Variants in NPEPL1 observed in about 807,000 individuals in gnomAD.
NPEPL1 encodes the protein aminopeptidase like 1.
NPEPL1 carries 45 observed loss-of-function variants against 52.4 expected under a neutral mutation model. That is an observed-to-expected ratio of 0.86 (90% CI 0.68 to 1.10). The LOEUF is 1.10. Ranked by LOEUF, NPEPL1 falls within the 50% of genes least tolerant of loss-of-function variation. NPEPL1 has a pLI of 0.00. For synonymous variants in NPEPL1, 360 were observed against 314.7 expected (o/e 1.14, Z -1.52); for missense variants, 696 against 710.9 (o/e 0.98, Z 0.24).
At chr20:58,701,312 TTGGGG>T (rs565387041) in intron 6 of NPEPL1, among the ~76,000 whole-genome samples, 154 bp downstream of exon 6, 3,220 of 10,228 alleles carry the variant, frequency 0.31, 431 homozygotes, top group African/African-American at 0.53. Context: ...TGCCCTGGGG[TTGGGG>T]TGGGGTGGGG....
upstream of NPEPL1, chr20:58,691,364 CTTTTTTTTTTTTTTTTTTTTT>C (rs59929508): frequency 1.1e-3 from 190 of 177,184 alleles, no homozygotes; most frequent in Middle Eastern, 3.2e-3. Flanking sequence ...CATTCAACAG[CTTTTTTTTTTTTTTTTTTTTT>C]TTTTTTTTTT....
chr20:58,697,555 G>A (rs912691051), intron 3 of NPEPL1, among the ~76,000 whole-genome samples: 7 of 152,344 alleles, frequency 4.6e-5, no homozygotes, highest in African/African-American at 7.2e-5. Context: ...TCGACCCGGC[G>A]CCTGCTGCCC....
intron 6 of NPEPL1, 71 bp from the exon 7 acceptor site, chr20:58,707,052 T>TGGGGGGGGGGGGGGGGGG: frequency 7.9e-7 from 1 of 1,257,880 alleles, no homozygotes; most frequent in Non-Finnish European, 1.1e-6. Flanking sequence ...CGGGTGGGGG[T>TGGGGGGGGGGGGGGGGGG]GGGGGGCTTC....
At chr20:58,695,137 TGTG>T (rs1425438290) in intron 3 of NPEPL1, among the ~76,000 whole-genome samples, 7 of 50,202 alleles carry the variant, frequency 1.4e-4, no homozygotes, top group Non-Finnish European at 2.9e-4. Flanking sequence ...GCATGAGTGG[TGTG>T]TGTGTGTGGT....
At position 58,699,292 on chromosome 20, in the gene NPEPL1, G is replaced by C. The variant is rs753468900; in HGVS notation, c.679+14G>C. The C allele has an allele frequency of 1.3e-6, 2 of 1,594,042 alleles. No homozygotes were observed. The highest frequency in any genetic ancestry group is 4.5e-5 in the East Asian group (2 of 44,362). The stretch of plus-strand genomic sequence containing the variant: ...GAGGATTTGGAGGTGGGTGGGGGCT[G>C]CATCCCTGCAGCTCTTGGCCTCGGG... On this transcript the variant is annotated intron_variant, in intron 5 of 11. Coordinates refer to ENST00000356091, the MANE Select transcript of NPEPL1 (RefSeq NM_024663.4).
intron 11 of NPEPL1, 118 bp from the exon 12 acceptor site, chr20:58,715,050 T>C: frequency 8.6e-7 from 1 of 1,157,900 alleles, no homozygotes. Flanking sequence ...CAGGATCTCC[T>C]TCCTGAGAAG....
intron 3 of NPEPL1, among the ~76,000 whole-genome samples, chr20:58,695,351 G>A (rs2084465523): frequency 3.1e-3 from 1 of 326 alleles, no homozygotes; most frequent in South Asian, 0.1. Context: ...CATGTGTGTT[G>A]CTGCACCCTT....
intron 2 of NPEPL1, 81 bp downstream of exon 2, chr20:58,694,003 C>A: frequency 7.4e-7 from 1 of 1,355,752 alleles, no homozygotes; most frequent in Non-Finnish European, 1.0e-6. Flanking sequence ...CACAGCCCTG[C>A]TCAGACTGCA....
chr20:58,707,065 C>A, intron 6 of NPEPL1, 58 bp from the exon 7 acceptor site: 1 of 1,520,350 alleles, frequency 6.6e-7, no homozygotes, highest in Non-Finnish European at 8.9e-7. Context: ...GGGGCTTCCG[C>A]TGCCAGGCCT....
chr20:58,709,475 C>T (rs1256037887), intron 7 of NPEPL1, among the ~76,000 whole-genome samples: 3 of 152,194 alleles, frequency 2.0e-5, no homozygotes, highest in Non-Finnish European at 2.9e-5. Flanking sequence ...AACAGGAAGT[C>T]GTCACCCCAC....
intron 3 of NPEPL1, among the ~76,000 whole-genome samples, chr20:58,696,575 G>C (rs561943276): frequency 2.0e-5 from 3 of 152,368 alleles, no homozygotes; most frequent in African/African-American, 7.2e-5. Context: ...CAACTAGCTA[G>C]TGTGTCCTGT....
upstream of NPEPL1, chr20:58,692,135 T>A: frequency 9.6e-6 from 4 of 415,214 alleles, no homozygotes; most frequent in Non-Finnish European, 8.7e-6. This position sits in a 1 kb window ranked among gnomAD's most constrained non-coding sequence, Gnocchi z 5.7. Context: ...AGGCCCCCCA[T>A]GCAGCCAGGC....
chr20:58,708,275 A>G (rs1451326760), intron 7 of NPEPL1, among the ~76,000 whole-genome samples: 11 of 152,240 alleles, frequency 7.2e-5, no homozygotes, highest in African/African-American at 2.4e-4. Context: ...GAATCCCAGG[A>G]GGAAGGAGCT....
intron 6 of NPEPL1, chr20:58,705,355 C>T (rs1246811197): frequency 1.7e-5 from 7 of 409,890 alleles, no homozygotes; most frequent in Non-Finnish European, 2.5e-5. Flanking sequence ...GACCACTGCC[C>T]GTCAGCAACA....
chr20:58,713,532 A>G lies in NPEPL1; in HGVS notation c.1114A>G (p.Thr372Ala). 6.2e-7 allele frequency: 1 copy of G among 1,606,408 alleles called. No homozygotes were observed. The highest frequency in any genetic ancestry group is 8.5e-7 in the Non-Finnish European group (1 of 1,175,894). Residue 372 changes from threonine (T) to alanine (A), a missense_variant, in exon 9 of 12, where the codon ACC (threonine) becomes GCC (alanine). Physicochemically the swap from Thr to Ala is moderately conservative, Grantham distance 58. Transcript: ENST00000356091. This position sits in a 1 kb window ranked among gnomAD's most constrained non-coding sequence, Gnocchi z 4.6. The part of the protein sequence containing the change: ...ADIILDMATL[T>A]GAQGIATGKY... ...CATCATCCTGGACATGGCCACCCTG[A>G]CCGGGGCTCAGGTGAGTGCTCCCTG... is the stretch of plus-strand genomic sequence containing the variant.
Position 58,708,133 on chromosome 20 carries a change from A to G in NPEPL1, c.900+933A>G, listed in dbSNP as rs1026619318. ...GCATTGACTCATCAGCCGAGGTTTT[A>G]CCTTCCTAGCCTACCTTTCTCAGGC... On this transcript the variant is annotated intron_variant, in intron 7 of 11. Transcript: ENST00000356091. Among the ~76,000 whole-genome samples the G allele has an allele frequency of 7.2e-5, 11 of 152,292 alleles. No homozygotes were observed. In the South Asian group the frequency reaches 2.3e-3, roughly 32 times the overall value.
At position 58,694,455 on chromosome 20, in the gene NPEPL1, G is replaced by A. The variant is rs370845185; in HGVS notation, c.370G>A (p.Ala124Thr). The A allele has an allele frequency of 2.4e-5, 38 of 1,613,248 alleles. No homozygotes were observed. The highest frequency in any genetic ancestry group is 4.0e-5 in the African/African-American group (3 of 74,920). ...VCEQPEVFAS[A>T]CALARAFPLF... ...CGAGCAGCCGGAGGTCTTTGCTTCC[G>A]CCTGTGCCCTGGCCCGGGCCTTCCC... The change falls in exon 3 of 12, where the codon GCC becomes ACC. Residue 124 changes from alanine (A) to threonine (T), a missense_variant. Coordinates refer to ENST00000356091, the MANE Select transcript of NPEPL1 (RefSeq NM_024663.4).
At chr20:58,701,803 A>C (rs2084629674) in intron 6 of NPEPL1, among the ~76,000 whole-genome samples, 1 of 152,088 alleles carries the variant, frequency 6.6e-6, no homozygotes, top group Admixed American at 6.5e-5. Flanking sequence ...TGGGCACGGC[A>C]CAGAAGCGAG....
chr20:58,691,276 T>C, upstream of NPEPL1: 1 of 659,462 alleles, frequency 1.5e-6, no homozygotes, highest in Non-Finnish European at 2.7e-6. Context: ...CTGTAAAATC[T>C]TTTGAAGAAA....
Sources: allele counts gnomAD v4.1 joint callset (sites outside exome capture counted in the v4.1 genomes callset), GRCh38; gene constraint gnomAD v4.1.1; non-coding constraint Gnocchi (gnomAD v3.1); transcripts MANE v1.5; gene names NCBI Gene and HGNC (gene_info 2026-07-23, HGNC 2026-07-21).